CNTNAP2: variants seen among roughly 807,000 people sequenced by gnomAD.
CNTNAP2 encodes contactin associated protein 2.
In CNTNAP2, 98 loss-of-function variants were observed where a neutral mutation model predicts 155.2. That is an observed-to-expected ratio of 0.63 (90% CI 0.54 to 0.75). The LOEUF is 0.75. CNTNAP2 is among the 30% of genes least tolerant of loss of function. The pLI is 0.00. For missense variants in CNTNAP2, 1,727 were observed against 1,688.1 expected (o/e 1.02, Z -0.40); for synonymous variants, 651 against 631.2 (o/e 1.03, Z -0.47).
chr7:146,224,685 C>T (rs567211554), intron 1 of CNTNAP2, among the ~76,000 whole-genome samples: 12 of 152,138 alleles, frequency 7.9e-5, no homozygotes, highest in African/African-American at 2.4e-4. Flanking sequence ...AGGAGAATGG[C>T]GTGAACCCGG....
At chr7:146,792,035 TAA>T (rs773661656) in intron 2 of CNTNAP2, among the ~76,000 whole-genome samples, 14 of 152,172 alleles carry the variant, frequency 9.2e-5, no homozygotes, top group Middle Eastern at 6.3e-3. Flanking sequence ...ACTGCGGGAA[TAA>T]CAGAAAGGCA....
At chr7:147,299,777 C>T (rs1794906897) in intron 8 of CNTNAP2, among the ~76,000 whole-genome samples, 1 of 152,174 alleles carries the variant, frequency 6.6e-6, no homozygotes, top group African/African-American at 2.4e-5. Flanking sequence ...TAAAATAGCA[C>T]ATAATCATAA....
At chr7:146,452,220 T>G (rs1796494806) in intron 1 of CNTNAP2, among the ~76,000 whole-genome samples, 1 of 152,138 alleles carries the variant, frequency 6.6e-6, no homozygotes, top group African/African-American at 2.4e-5. Context: ...TCTATATATT[T>G]TGTCTTCATA....
intron 1 of CNTNAP2, among the ~76,000 whole-genome samples, chr7:146,745,275 G>A (rs780739126): frequency 2.0e-5 from 3 of 152,060 alleles, no homozygotes; most frequent in East Asian, 1.9e-4. Flanking sequence ...ATTGTGCTAG[G>A]TATTGCTCCT....
At chr7:147,083,691 T>C (rs1034804066) in intron 4 of CNTNAP2, among the ~76,000 whole-genome samples, 3 of 145,076 alleles carry the variant, frequency 2.1e-5, no homozygotes, top group African/African-American at 7.5e-5. Flanking sequence ...ATATGATACA[T>C]AGATATATAA....
At chr7:147,187,891 C>G in intron 8 of CNTNAP2, among the ~76,000 whole-genome samples, 1 of 152,126 alleles carries the variant, frequency 6.6e-6, no homozygotes, top group East Asian at 1.9e-4. Flanking sequence ...GAAACCCTGT[C>G]TCTACCAAAA....
intron 19 of CNTNAP2, among the ~76,000 whole-genome samples, chr7:148,223,482 C>T (rs1260237165): frequency 6.6e-6 from 1 of 152,130 alleles, no homozygotes. Flanking sequence ...AAAGAGAAGT[C>T]CCTTATAACT....
At chr7:146,895,273 T>TTTCC (rs66470379) in intron 3 of CNTNAP2, among the ~76,000 whole-genome samples, 6 of 145,800 alleles carry the variant, frequency 4.1e-5, no homozygotes, top group Admixed American at 6.9e-5. Context: ...CCCTTCCTTC[T>TTTCC]TTCCTTCCTT....
At chr7:147,617,932 T>G (rs574295532) in intron 12 of CNTNAP2, among the ~76,000 whole-genome samples, 1 of 152,250 alleles carries the variant, frequency 6.6e-6, no homozygotes, top group East Asian at 1.9e-4. Flanking sequence ...GCTTTGAGTT[T>G]TGAAAAAACA....
chr7:147,310,787 C>T (rs925186996), intron 9 of CNTNAP2, among the ~76,000 whole-genome samples: 2 of 152,058 alleles, frequency 1.3e-5, no homozygotes, highest in Non-Finnish European at 2.9e-5. Context: ...TTATTCAGAA[C>T]CATTGCAATA....
chr7:146,755,972 G>T (rs1043376632), intron 1 of CNTNAP2, among the ~76,000 whole-genome samples: 1 of 151,954 alleles, frequency 6.6e-6, no homozygotes, highest in African/African-American at 2.4e-5. Context: ...AATATGAAAC[G>T]AAAGTGGATG....
At chr7:146,407,096 A>T (rs1232609228) in intron 1 of CNTNAP2, among the ~76,000 whole-genome samples, 3 of 152,204 alleles carry the variant, frequency 2.0e-5, no homozygotes, top group African/African-American at 7.2e-5. Flanking sequence ...TAATGTGAAG[A>T]AGGCTATAGA....
intron 12 of CNTNAP2, among the ~76,000 whole-genome samples, chr7:147,605,769 G>A (rs553472011): frequency 2.0e-5 from 3 of 152,224 alleles, no homozygotes; most frequent in East Asian, 1.9e-4. Context: ...CAGAAGAGCA[G>A]AGAGAACTTG....
intron 10 of CNTNAP2, among the ~76,000 whole-genome samples, chr7:147,469,541 C>T (rs1165367835): frequency 7.3e-5 from 3 of 40,834 alleles, no homozygotes; most frequent in African/African-American, 2.9e-4. Context: ...TTCTGTGAGA[C>T]AAAGTCTCGC....
chr7:147,900,599 G>A (rs1799851252), intron 13 of CNTNAP2, among the ~76,000 whole-genome samples: 1 of 152,016 alleles, frequency 6.6e-6, no homozygotes, highest in Non-Finnish European at 1.5e-5. Flanking sequence ...TTGGGTTTTG[G>A]TGGGTTTTTT....
chr7:146,401,307 T>A (rs1462832842), intron 1 of CNTNAP2, among the ~76,000 whole-genome samples: 1 of 152,078 alleles, frequency 6.6e-6, no homozygotes, highest in Non-Finnish European at 1.5e-5. Context: ...CATTTTTCAG[T>A]CGATATGGCC....
intron 1 of CNTNAP2, among the ~76,000 whole-genome samples, chr7:146,311,304 G>A (rs1800816488): frequency 6.6e-6 from 1 of 152,144 alleles, no homozygotes; most frequent in South Asian, 2.1e-4. Context: ...GAGTACTCAA[G>A]TTTGGGTTTG....
chr7:146,547,047 G>A (rs1176536886), intron 1 of CNTNAP2, among the ~76,000 whole-genome samples: 1 of 151,608 alleles, frequency 6.6e-6, no homozygotes. Flanking sequence ...AGCACTTAGT[G>A]TGACTTTTCA....
intron 1 of CNTNAP2, among the ~76,000 whole-genome samples, chr7:146,360,482 A>C (rs1795066718): frequency 6.6e-6 from 1 of 152,202 alleles, no homozygotes; most frequent in Non-Finnish European, 1.5e-5. Flanking sequence ...ATAGTATAGA[A>C]TATCACATGC....
Sources: gnomAD v4.1 joint callset for allele counts (sites outside exome capture counted in the v4.1 genomes callset) on GRCh38, gnomAD v4.1.1 for gene constraint, MANE v1.5 for transcripts, NCBI Gene and HGNC (gene_info 2026-07-23, HGNC 2026-07-21) for gene names.